The following SORBS2 variants were observed in gnomAD, a reference collection of about 807,000 sequenced individuals.
SORBS2 encodes the protein sorbin and SH3 domain-containing protein 2.
SORBS2 carries 46 observed loss-of-function variants against 97.7 expected under a neutral mutation model. The ratio of observed to expected loss-of-function variants is 0.47; its 90% CI spans 0.37 to 0.60. The LOEUF is 0.60. SORBS2 is among the 20% of genes least tolerant of loss of function. The probability of loss-of-function intolerance (pLI) is 0.00; values close to 1 mark genes in which losing one functional copy is unlikely to be tolerated. For missense variants in SORBS2, 1,316 were observed against 1,282.3 expected (o/e 1.03, Z -0.40); for synonymous variants, 476 against 473.4 (o/e 1.01, Z -0.07).
At chr4:185,950,196 G>A (rs766525547) in intron 1 of SORBS2, among the ~76,000 whole-genome samples, 2 of 151,222 alleles carry the variant, frequency 1.3e-5, no homozygotes, top group Non-Finnish European at 1.5e-5. Context: ...AGGTTGCAGC[G>A]AGCCGAGATT....
rs1246517827 is a variant in SORBS2 at position 185,623,586 on chromosome 4, T to C, written c.1543A>G (p.Ile515Val). The change falls in exon 7 of 15, where the codon ATT becomes GTT. Residue 515 changes from isoleucine to valine, a missense_variant. Ile to Val is a conservative substitution (Grantham distance 29, BLOSUM62 3). Transcript: ENST00000418609. This position sits in a 1 kb window ranked among gnomAD's most constrained non-coding sequence, Gnocchi z 6.4. ...CAGAAGGATGACCCCTCTAGGTGAA[T>C]GTAGTCACTGTGGTCGGACACAACC... The C allele has an allele frequency of 6.2e-7, 1 of 1,613,978 alleles. No individual in the cohort carries two copies. Among genetic ancestry groups the C allele is most frequent in the African/African-American group, 1.3e-5 (1 of 74,912 alleles).
Position 185,953,968 on chromosome 4 carries a change from T to C in SORBS2, c.-338+2228A>G, listed in dbSNP as rs375631801. Among the ~76,000 whole-genome samples, 237 of 152,368 alleles carry C rather than the reference T, an allele frequency of 1.6e-3. 3 individuals are homozygous for C. The highest frequency in any genetic ancestry group is 5.3e-3 in the African/African-American group (221 of 41,590). On this transcript the variant is annotated intron_variant, in intron 1 of 20. Transcript: ENST00000284776. Reference sequence around the variant, plus strand: ...GAGGACATCCCGGAGGGAGACGTCCTTTCTTTTGCTTTAATCCATTCCTTA... The same window carrying C: ...GAGGACATCCCGGAGGGAGACGTCCCTTCTTTTGCTTTAATCCATTCCTTA...
At chr4:185,791,624 T>C (rs1379278776) in intron 1 of SORBS2, among the ~76,000 whole-genome samples, 2 of 152,010 alleles carry the variant, frequency 1.3e-5, no homozygotes, top group Non-Finnish European at 2.9e-5. Context: ...ACCTAGCATG[T>C]TAGGACTAAT....
At chr4:185,814,654 T>A (rs1405235178) in intron 1 of SORBS2, among the ~76,000 whole-genome samples, 2 of 152,150 alleles carry the variant, frequency 1.3e-5, no homozygotes, top group African/African-American at 4.8e-5. Context: ...CCCCTATACC[T>A]CCAATTCCTG....
chr4:185,638,907 G>A (rs902926637), intron 4 of SORBS2: 11 of 1,490,094 alleles, frequency 7.4e-6, no homozygotes, highest in Non-Finnish European at 9.8e-6. Flanking sequence ...GGGCGCGCGA[G>A]CTTGGTGTGG....
intron 2 of SORBS2, among the ~76,000 whole-genome samples, chr4:185,700,727 G>A (rs1190162848): frequency 6.6e-6 from 1 of 152,190 alleles, no homozygotes; most frequent in Non-Finnish European, 1.5e-5. Flanking sequence ...AGGGGTTTAA[G>A]ACTTCAGAAC....
Position 185,606,178 on chromosome 4 carries a change from T to G in SORBS2, c.2796+5602A>C. On this transcript the variant is annotated intron_variant, in intron 12 of 14. Transcript: ENST00000418609. The surrounding 1 kb of genome is among the most constrained non-coding windows in gnomAD (Gnocchi z 4.3). ...GACAAATTTCTGGGCATCAACTTCC[T>G]CTTCTCTAAAGTGGGGATGATAATG... The G allele has an allele frequency of 1.0e-6, 1 of 985,412 alleles. No homozygotes were observed. Among genetic ancestry groups the G allele is most frequent in the Non-Finnish European group, 1.2e-6 (1 of 829,878 alleles). 61.0% of individuals were successfully genotyped at this position (985,412 alleles called of 1,614,324 possible). A position where few individuals can be genotyped will look rare whatever the true frequency, so the allele number is the denominator to read the frequency against.
At chr4:185,852,342 T>G (rs915896688) in intron 1 of SORBS2, among the ~76,000 whole-genome samples, 4 of 152,162 alleles carry the variant, frequency 2.6e-5, no homozygotes, top group Admixed American at 1.3e-4. Flanking sequence ...CAATGCTACC[T>G]CTTATTCTAG....
chr4:185,905,461 C>G (rs937477089), intron 1 of SORBS2, among the ~76,000 whole-genome samples: 2 of 152,140 alleles, frequency 1.3e-5, no homozygotes, highest in African/African-American at 4.8e-5. Flanking sequence ...AAAAATGACT[C>G]TCACTTGCAA....
intron 1 of SORBS2, among the ~76,000 whole-genome samples, chr4:185,869,576 G>A (rs183913482): frequency 5.3e-5 from 8 of 152,342 alleles, no homozygotes; most frequent in Admixed American, 2.0e-4. Context: ...AGGCAGATGC[G>A]AACATTTCTT....
At chr4:185,690,887 T>C (rs933662698) in intron 2 of SORBS2, among the ~76,000 whole-genome samples, 2 of 124,436 alleles carry the variant, frequency 1.6e-5, no homozygotes, top group African/African-American at 6.0e-5. Flanking sequence ...GTTTTGTGCT[T>C]GTTTTTCTTT....
At chr4:185,848,125 G>A (rs994136850) in intron 1 of SORBS2, among the ~76,000 whole-genome samples, 3 of 152,068 alleles carry the variant, frequency 2.0e-5, no homozygotes, top group Admixed American at 6.5e-5. Context: ...CAGATACCCC[G>A]AAATTATATG....
chr4:185,770,823 G>A (rs1195721315), intron 2 of SORBS2, among the ~76,000 whole-genome samples: 1 of 152,000 alleles, frequency 6.6e-6, no homozygotes, highest in Non-Finnish European at 1.5e-5. Context: ...GATTTTTAAA[G>A]CACTGATTTT....
chr4:185,710,928 C>T (rs765858358), intron 2 of SORBS2, among the ~76,000 whole-genome samples: 8 of 152,174 alleles, frequency 5.3e-5, no homozygotes, highest in South Asian at 2.1e-4. Context: ...GTGTGCAAAA[C>T]GGAACAAGGA....
chr4:185,874,455 G>C (rs916722891), intron 1 of SORBS2, among the ~76,000 whole-genome samples: 1 of 152,080 alleles, frequency 6.6e-6, no homozygotes, highest in Non-Finnish European at 1.5e-5. Flanking sequence ...GAACAGGCCT[G>C]GTTCAAAAAT....
intron 1 of SORBS2, among the ~76,000 whole-genome samples, chr4:185,903,175 A>C (rs2099248644): frequency 6.6e-6 from 1 of 152,212 alleles, no homozygotes. Flanking sequence ...ACAGCTTTAT[A>C]TTTTATAGTG....
intron 1 of SORBS2, among the ~76,000 whole-genome samples, chr4:185,828,750 G>A (rs912355340): frequency 2.6e-5 from 4 of 151,974 alleles, no homozygotes; most frequent in African/African-American, 9.7e-5. Flanking sequence ...CCCCTCTACT[G>A]CCATTCCTTT....
rs1440672081 is a variant in SORBS2, at chr4:185,926,415, G to A, written c.-338+29781C>T. ...ATTAGGGAGACAAAAAAGGAGATAG[G>A]GGAATTGGACAATTTTTGGTATCTG... On this transcript the variant is annotated intron_variant, in intron 1 of 20. Coordinates refer to the SORBS2 transcript ENST00000284776. Among the ~76,000 whole-genome samples, 5 of 152,090 alleles carry A rather than the reference G, an allele frequency of 3.3e-5. No homozygotes were observed. In the South Asian group the frequency reaches 6.3e-4, roughly 19 times the overall value.
At chr4:185,637,721 A>G (rs910863226) in intron 4 of SORBS2, among the ~76,000 whole-genome samples, 1 of 152,126 alleles carries the variant, frequency 6.6e-6, no homozygotes, top group African/African-American at 2.4e-5. Flanking sequence ...ACTCAATGTC[A>G]AGGTGCTCTT....
Sources: gnomAD v4.1 joint callset for allele counts (sites outside exome capture counted in the v4.1 genomes callset) on GRCh38, gnomAD v4.1.1 for gene constraint, Gnocchi (gnomAD v3.1) non-coding constraint, MANE v1.5 for transcripts, NCBI Gene and HGNC (gene_info 2026-07-23, HGNC 2026-07-21) for gene names.